Variants in GABRG3 observed in about 807,000 individuals in gnomAD.
GABRG3 encodes gamma-aminobutyric acid receptor subunit gamma-3.
A neutral mutation model predicts 48.8 loss-of-function variants in GABRG3; 25 were observed. That is an observed-to-expected ratio of 0.51 (90% CI 0.37 to 0.72). GABRG3 has a LOEUF of 0.72. GABRG3 is among the 30% of genes least tolerant of loss of function. The pLI, the probability that GABRG3 is intolerant of heterozygous loss-of-function variation, is 0.00. For synonymous variants in GABRG3, 227 were observed against 217.6 expected, an observed-to-expected ratio of 1.04 and a Z score of -0.38; for missense variants, 394 against 577.9, an observed-to-expected ratio of 0.68 and a Z score of 3.26.
chr15:27,038,984 A>G (rs1896227690), intron 3 of GABRG3, among the ~76,000 whole-genome samples: 1 of 152,174 alleles, frequency 6.6e-6, no homozygotes, highest in African/African-American at 2.4e-5. Context: ...CAAATCAGTG[A>G]TGGCACATTT....
At chr15:27,222,149 T>G (rs905908627) in intron 3 of GABRG3, among the ~76,000 whole-genome samples, 1 of 152,244 alleles carries the variant, frequency 6.6e-6, no homozygotes, top group Non-Finnish European at 1.5e-5. Context: ...CAAATGGCTC[T>G]CTGCTTTGTG....
chr15:27,019,591 C>T (rs1228698193), intron 2 of GABRG3, among the ~76,000 whole-genome samples: 1 of 152,192 alleles, frequency 6.6e-6, no homozygotes, highest in Non-Finnish European at 1.5e-5. Flanking sequence ...CATCCTTCAT[C>T]TGTGGACATT....
At chr15:27,296,711 G>A (rs1891997561) in intron 3 of GABRG3, among the ~76,000 whole-genome samples, 1 of 152,100 alleles carries the variant, frequency 6.6e-6, no homozygotes, top group East Asian at 1.9e-4. Flanking sequence ...CAAACCTACT[G>A]CACTGCTATA....
At chr15:27,071,926 C>A (rs555335588) in intron 3 of GABRG3, among the ~76,000 whole-genome samples, 8 of 152,202 alleles carry the variant, frequency 5.3e-5, no homozygotes, top group African/African-American at 1.9e-4. Flanking sequence ...AAAACAGTCT[C>A]CACAGCTCCT....
chr15:27,503,470 G>T (rs1012689306), intron 6 of GABRG3, among the ~76,000 whole-genome samples: 12 of 152,160 alleles, frequency 7.9e-5, no homozygotes, highest in African/African-American at 2.9e-4. Flanking sequence ...CAGGAATCCT[G>T]TATCAGTGGA....
chr15:27,228,379 C>G (rs780194210), intron 3 of GABRG3, among the ~76,000 whole-genome samples: 1 of 152,114 alleles, frequency 6.6e-6, no homozygotes. Context: ...TGCATGTTCC[C>G]GCAAAAGACA....
rs115031788 is a variant in GABRG3 at position 27,426,550 on chromosome 15, C to T, written c.575-54100C>T. On this transcript the variant is annotated intron_variant, in intron 5 of 9. Transcript: ENST00000615808. ...CCTTTCTTGGCCAGGCGTGGTGTCT[C>T]ATGCCAGTAATCCCAGCACTTCGGG... 3.7e-3 allele frequency among the ~76,000 whole-genome samples: 557 copies of T among 152,262 alleles called. 8 individuals are homozygous for T. Among genetic ancestry groups the T allele is most frequent in the African/African-American group, 0.013 (550 of 41,548 alleles).
intron 5 of GABRG3, among the ~76,000 whole-genome samples, chr15:27,394,982 G>A (rs1887257843): frequency 2.0e-5 from 3 of 152,088 alleles, no homozygotes; most frequent in African/African-American, 7.2e-5. Context: ...TCTTGGATAT[G>A]CTGATTAACT....
At chr15:27,066,155 C>A (rs1452991716) in intron 3 of GABRG3, among the ~76,000 whole-genome samples, 1 of 152,222 alleles carries the variant, frequency 6.6e-6, no homozygotes, top group Non-Finnish European at 1.5e-5. Context: ...ATATTTCAGA[C>A]ATCTCTGATA....
intron 3 of GABRG3, among the ~76,000 whole-genome samples, chr15:27,271,800 G>C (rs1359416213): frequency 6.6e-6 from 1 of 152,204 alleles, no homozygotes; most frequent in Non-Finnish European, 1.5e-5. Flanking sequence ...GGGAGGTCTG[G>C]AGGAAGCTTT....
At chr15:27,266,633 C>G (rs1256211892) in intron 3 of GABRG3, among the ~76,000 whole-genome samples, 1 of 152,202 alleles carries the variant, frequency 6.6e-6, no homozygotes, top group Non-Finnish European at 1.5e-5. Context: ...AGAATTAGCT[C>G]TCAATATTGA....
At chr15:27,309,102 A>T (rs182589380) in intron 3 of GABRG3, among the ~76,000 whole-genome samples, 201 of 151,302 alleles carry the variant, frequency 1.3e-3, no homozygotes, top group African/African-American at 4.5e-3. Flanking sequence ...ATGTAAACAC[A>T]GATGTTTATA....
chr15:27,331,764 C>G (rs1893810663), intron 5 of GABRG3, among the ~76,000 whole-genome samples: 1 of 152,162 alleles, frequency 6.6e-6, no homozygotes. Context: ...ATGGACCACT[C>G]TGGTGGGGGA....
chr15:27,174,009 G>A (rs1372289535), intron 3 of GABRG3, among the ~76,000 whole-genome samples: 5 of 152,074 alleles, frequency 3.3e-5, no homozygotes, highest in African/African-American at 1.2e-4. Flanking sequence ...TGATATTTTT[G>A]ATGGTGAAAT....
chr15:27,420,016 T>C (rs1262064872), intron 5 of GABRG3, among the ~76,000 whole-genome samples: 1 of 152,256 alleles, frequency 6.6e-6, no homozygotes, highest in Non-Finnish European at 1.5e-5. Flanking sequence ...GTTACCATTC[T>C]GGGTGTAATA....
At chr15:27,215,755 G>A (rs1448218588) in intron 3 of GABRG3, among the ~76,000 whole-genome samples, 1 of 152,184 alleles carries the variant, frequency 6.6e-6, no homozygotes, top group Non-Finnish European at 1.5e-5. Context: ...AGTTTGTGCT[G>A]GATGAATGTG....
chr15:27,321,930 C>A (rs1202499556), intron 3 of GABRG3, among the ~76,000 whole-genome samples: 3 of 152,222 alleles, frequency 2.0e-5, no homozygotes, highest in Admixed American at 6.5e-5. Context: ...AATTATTGAG[C>A]TCTGCAGTGA....
chr15:27,503,034 G>A (rs1028119682), intron 6 of GABRG3, among the ~76,000 whole-genome samples: 1 of 152,168 alleles, frequency 6.6e-6, no homozygotes, highest in East Asian at 1.9e-4. Context: ...ATGGCCATTG[G>A]TGATCAACTT....
intron 5 of GABRG3, among the ~76,000 whole-genome samples, chr15:27,390,539 C>A (rs553569390): frequency 6.6e-6 from 1 of 152,238 alleles, no homozygotes; most frequent in South Asian, 2.1e-4. Context: ...GGCTCATGGA[C>A]CATGGGAGTC....
Sources: gnomAD v4.1 joint callset for allele counts (sites outside exome capture counted in the v4.1 genomes callset) on GRCh38, gnomAD v4.1.1 for gene constraint, MANE v1.5 for transcripts, NCBI Gene and HGNC (gene_info 2026-07-23, HGNC 2026-07-21) for gene names.